NSD1: variants seen among roughly 807,000 people sequenced by gnomAD.
NSD1 encodes the protein histone-lysine N-methyltransferase, H3 lysine-36 specific.
Under a neutral mutation model 242.7 loss-of-function variants are expected in NSD1, and 26 were observed. The ratio of observed to expected loss-of-function variants is 0.11; its 90% CI spans 0.08 to 0.15. The LOEUF (loss-of-function observed/expected upper bound fraction) is 0.15. Ranked by LOEUF, NSD1 falls within the 10% of genes least tolerant of loss-of-function variation. NSD1 has a pLI of 1.00. For synonymous variants in NSD1, 1,106 were observed against 1,178.1 expected, an observed-to-expected ratio of 0.94 and a Z score of 1.25; for missense variants, 2,495 against 3,272.8, an observed-to-expected ratio of 0.76 and a Z score of 5.80.
intron 9 of NSD1, among the ~76,000 whole-genome samples, chr5:177,245,769 G>A (rs981587899): frequency 1.8e-4 from 27 of 151,122 alleles, no homozygotes; most frequent in African/African-American, 6.3e-4. Context: ...CTGAGTAGCT[G>A]GGACTACAGA....
chr5:177,216,322 G>C (rs1234099784), intron 5 of NSD1, among the ~76,000 whole-genome samples: 3 of 152,112 alleles, frequency 2.0e-5, no homozygotes, highest in Admixed American at 2.0e-4. Flanking sequence ...TTGCTGTGTA[G>C]AAGTTAATGT....
chr5:177,280,723 C>T lies in NSD1; in HGVS notation c.5781C>T (p.Ala1927=), dbSNP rs61749654. 8.1e-6 allele frequency: 13 copies of T among 1,614,108 alleles called. No individual in the cohort carries two copies. Among genetic ancestry groups the T allele is most frequent in the East Asian group, 2.2e-5 (1 of 44,894 alleles). ...LYECHPTVCP[A]GGRCQNQCFS... ...AGTGCCACCCCACAGTGTGTCCTGC[C>T]GGAGGGCGCTGTCAAAACCAGTGCT... is the stretch of plus-strand genomic sequence containing the variant. Residue 1927 remains alanine (A), a synonymous_variant, in exon 18 of 23, where the codon GCC becomes GCT. Coordinates refer to ENST00000439151, the MANE Select transcript of NSD1 (RefSeq NM_022455.5).
chr5:177,143,362 C>A (rs1581113894), intron 2 of NSD1, among the ~76,000 whole-genome samples: 1 of 151,868 alleles, frequency 6.6e-6, no homozygotes, highest in Non-Finnish European at 1.5e-5. Flanking sequence ...TGCTCTGTTG[C>A]ACAGGTTCGA....
intron 5 of NSD1, among the ~76,000 whole-genome samples, chr5:177,235,465 C>CT (rs2073997877): frequency 6.6e-6 from 1 of 152,054 alleles, no homozygotes; most frequent in Non-Finnish European, 1.5e-5. Flanking sequence ...TGTATTTTAC[C>CT]TATTTACCTG....
At position 177,135,245 on chromosome 5, in the gene NSD1, A is replaced by C; in HGVS notation, c.142A>C (p.Met48Leu). The C allele has an allele frequency of 6.2e-7, 1 of 1,613,856 alleles. No individual in the cohort carries two copies. Among genetic ancestry groups the C allele is most frequent in the Non-Finnish European group, 8.5e-7 (1 of 1,179,754 alleles). Residue 48 changes from methionine (M) to leucine (L), a missense_variant, in exon 2 of 23, where the codon ATG becomes CTG. Physicochemically the swap from Met to Leu is conservative, Grantham distance 15. Transcript: ENST00000439151. ...NFSEPLNGCTMQLSTVSGTSQ... is the reference protein window; with the variant it reads ...NFSEPLNGCTLQLSTVSGTSQ... ...TTCTGAGCCACTTAATGGGTGTACT[A>C]TGCAGTTATCGACTGTCAGTGGAAC...
At chr5:177,133,758 GGGTGTGAGGAGGA>G (rs1279762963), upstream of NSD1, 1 of 149,040 alleles carries the variant, frequency 6.7e-6, no homozygotes, top group Admixed American at 6.7e-5. The surrounding 1 kb of genome is among the most constrained non-coding windows in gnomAD (Gnocchi z 6.2). Context: ...CGCGCGGTGG[GGGTGTGAGGAGGA>G]GGAGGCGGCG....
intron 2 of NSD1, among the ~76,000 whole-genome samples, chr5:177,145,281 A>AT (rs371901937): frequency 0.17 from 23,292 of 138,412 alleles, 2,550 homozygotes; most frequent in Middle Eastern, 0.26. Context: ...ATGTAACAAG[A>AT]TTTTTTTTTT....
chr5:177,287,887 G>T (rs1441338662), intron 20 of NSD1, among the ~76,000 whole-genome samples: 1 of 152,144 alleles, frequency 6.6e-6, no homozygotes, highest in Non-Finnish European at 1.5e-5. Flanking sequence ...TGATAAGAAT[G>T]ATTTCCTTTA....
intron 15 of NSD1, among the ~76,000 whole-genome samples, chr5:177,268,526 T>A (rs1227717838): frequency 6.6e-6 from 1 of 152,020 alleles, no homozygotes; most frequent in East Asian, 1.9e-4. Flanking sequence ...GCACAAAGGA[T>A]GTAACATGCA....
At chr5:177,287,852 G>A (rs550935574) in intron 20 of NSD1, among the ~76,000 whole-genome samples, 1 of 152,242 alleles carries the variant, frequency 6.6e-6, no homozygotes, top group East Asian at 1.9e-4. Context: ...TGCTGGTATT[G>A]TGAACATACT....
At chr5:177,251,438 C>T (rs554970839) in intron 11 of NSD1, among the ~76,000 whole-genome samples, 14 of 152,130 alleles carry the variant, frequency 9.2e-5, no homozygotes, top group Non-Finnish European at 1.9e-4. Flanking sequence ...CAGTAGCTTT[C>T]TGGTTTATCT....
intron 20 of NSD1, among the ~76,000 whole-genome samples, chr5:177,286,000 A>G (rs976051674): frequency 1.3e-5 from 2 of 152,028 alleles, no homozygotes; most frequent in Non-Finnish European, 2.9e-5. Flanking sequence ...GGTTCAAGCA[A>G]TTCTCCTGCC....
chr5:177,189,901 G>C (rs2149818446), intron 2 of NSD1, among the ~76,000 whole-genome samples: 1 of 152,218 alleles, frequency 6.6e-6, no homozygotes, highest in South Asian at 2.1e-4. Context: ...AAGTTTCAAA[G>C]TCAATTAACT....
In NSD1 at chr5:177,156,174, ATTTTTT is replaced by A. The variant is rs34417228; in HGVS notation, c.927+20164_927+20169del. Among the ~76,000 whole-genome samples, 478 of 78,002 alleles carry A rather than the reference ATTTTTT, an allele frequency of 6.1e-3. 1 individual carries two copies. Among genetic ancestry groups the A allele is most frequent in the Middle Eastern group, 0.043 (4 of 92 alleles). 51.2% of individuals were successfully genotyped at this position (78,002 alleles called of 152,430 possible). On this transcript the variant is annotated intron_variant, in intron 2 of 22. Coordinates refer to ENST00000439151, the MANE Select transcript of NSD1 (RefSeq NM_022455.5). The stretch of plus-strand genomic sequence containing the variant: ...CGTACTCTTCCCTCGCTCTTTTCAG[ATTTTTT>A]TTTTTTTTTTTTTTTTTTTGAGATG...
Position 177,210,845 on chromosome 5 carries a change from T to A in NSD1, c.2446T>A (p.Ser816Thr). The A allele has an allele frequency of 6.2e-7, 1 of 1,614,212 alleles. No individual in the cohort carries two copies. The highest frequency in any genetic ancestry group is 8.5e-7 in the Non-Finnish European group (1 of 1,180,052). Residue 816 changes from serine to threonine, a missense_variant, in exon 5 of 23, where the codon TCT becomes ACT. By Grantham distance (58) the Ser-to-Thr change is moderately conservative (BLOSUM62 1). Around this residue, in one of 19 missense-constraint regions of NSD1, gnomAD observed 515 missense variants for 467.0 expected, o/e 1.10. Transcript: ENST00000439151. ...TGAGGAGTGCAGTTTGAAATGCTGC[T>A]CTTCTGATACCAAAGGCTCTCCTTT... is the stretch of plus-strand genomic sequence containing the variant. Reference protein sequence around the residue: ...INEECSLKCCSSDTKGSPLAS... With the variant: ...INEECSLKCCTSDTKGSPLAS...
At chr5:177,271,580 T>C (rs1190325721) in intron 16 of NSD1, among the ~76,000 whole-genome samples, 1 of 152,238 alleles carries the variant, frequency 6.6e-6, no homozygotes, top group Non-Finnish European at 1.5e-5. Context: ...TAAAATGTGA[T>C]ACATTTTACC....
At chr5:177,197,359 A>T (rs1016940991) in intron 3 of NSD1, among the ~76,000 whole-genome samples, 4 of 152,142 alleles carry the variant, frequency 2.6e-5, no homozygotes, top group African/African-American at 9.7e-5. Flanking sequence ...GCAGTGGCTC[A>T]CGCCTATAAT....
In NSD1 at chr5:177,294,234, G is replaced by A. The variant is rs1318451897; in HGVS notation, c.6866G>A (p.Arg2289Lys). Residue 2289 changes from arginine (R) to lysine (K), a missense_variant, in exon 23 of 23, where the codon AGG becomes AAG. Physicochemically the swap from Arg to Lys is conservative, Grantham distance 26 (BLOSUM62 2). This residue lies in a region of NSD1 where 475 missense variants were observed against 563.7 expected (regional missense o/e 0.84). Coordinates refer to ENST00000439151, the MANE Select transcript of NSD1 (RefSeq NM_022455.5). ...AGACCTCTTGAGAGAACTGACTCCA[G>A]GCCCCAGCCTTTAGATAAGGTCAGA... ...PERPLERTDS[R>K]PQPLDKVRDL... 6.2e-7 allele frequency: 1 copy of A among 1,613,488 alleles called. No individual in the cohort carries two copies. The highest frequency in any genetic ancestry group is 8.5e-7 in the Non-Finnish European group (1 of 1,179,504).
intron 4 of NSD1, among the ~76,000 whole-genome samples, chr5:177,209,249 C>T (rs915864526): frequency 1.4e-4 from 21 of 151,468 alleles, no homozygotes; most frequent in African/African-American, 4.4e-4. Context: ...GATTTCAGGC[C>T]GGGTGCGGTG....
Sources: allele counts gnomAD v4.1 joint callset (sites outside exome capture counted in the v4.1 genomes callset), GRCh38; gene constraint gnomAD v4.1.1; regional missense constraint gnomAD v4.1.1; non-coding constraint Gnocchi (gnomAD v3.1); transcripts MANE v1.5; gene names NCBI Gene and HGNC (gene_info 2026-07-23, HGNC 2026-07-21).